PARD3: variants seen among roughly 807,000 people sequenced by gnomAD.
PARD3 encodes the protein partitioning defective 3 homolog.
In PARD3, 75 loss-of-function variants were observed where a neutral mutation model predicts 155.4. That is an observed-to-expected ratio of 0.48 (90% CI 0.40 to 0.58). PARD3 has a LOEUF of 0.58. Ranked by LOEUF, PARD3 falls within the 20% of genes least tolerant of loss-of-function variation. PARD3 has a pLI of 0.00. For missense variants in PARD3, 1,642 were observed against 1,721.7 expected (o/e 0.95, Z 0.82); for synonymous variants, 576 against 610.5 (o/e 0.94, Z 0.83).
intron 21 of PARD3, among the ~76,000 whole-genome samples, chr10:34,278,619 T>C (rs576603763): frequency 6.6e-6 from 1 of 152,190 alleles, no homozygotes; most frequent in South Asian, 2.1e-4. Flanking sequence ...CCCCCTTTGC[T>C]GGGCTCTCAT....
chr10:34,305,613 A>G (rs1402894198), intron 20 of PARD3, among the ~76,000 whole-genome samples: 8 of 152,244 alleles, frequency 5.3e-5, no homozygotes. Flanking sequence ...GCCTGAAAAC[A>G]GGGAATTTCC....
intron 2 of PARD3, among the ~76,000 whole-genome samples, chr10:34,605,609 C>CTA (rs1179960762): frequency 1.7e-3 from 38 of 21,800 alleles, no homozygotes; most frequent in Admixed American, 2.8e-3. Context: ...TATATATCTC[C>CTA]TATATATATA....
chr10:34,639,272 T>C (rs1025469668), intron 2 of PARD3, among the ~76,000 whole-genome samples: 8 of 152,160 alleles, frequency 5.3e-5, no homozygotes, highest in African/African-American at 1.9e-4. Flanking sequence ...GGCACGTGAC[T>C]GTAATCCCAG....
chr10:34,366,977 G>A (rs1016181778), intron 12 of PARD3, among the ~76,000 whole-genome samples: 3 of 152,132 alleles, frequency 2.0e-5, no homozygotes, highest in African/African-American at 7.2e-5. Context: ...TAATTCGAAT[G>A]GTAGATGCCA....
chr10:34,371,554 A>T (rs1040850445), intron 12 of PARD3, among the ~76,000 whole-genome samples: 1 of 147,190 alleles, frequency 6.8e-6, no homozygotes, highest in Admixed American at 6.9e-5. Context: ...TATTTGAAAA[A>T]TAACATTAGT....
chr10:34,401,932 C>T lies in PARD3; in HGVS notation c.715-15G>A. ...CCATCCTCATCCTAGAGGCAGCCAA[C>T]ACAAAGAAAAGTACACTCTGTGTTA... On this transcript the variant is annotated splice_polypyrimidine_tract_variant and intron_variant, in intron 5 of 24. Transcript: ENST00000374788. 1 of 1,601,396 alleles carries T rather than the reference C, an allele frequency of 6.2e-7. No individual in the cohort carries two copies.
chr10:34,597,246 T>A (rs2089354978), intron 2 of PARD3, among the ~76,000 whole-genome samples: 1 of 152,082 alleles, frequency 6.6e-6, no homozygotes, highest in African/African-American at 2.4e-5. Flanking sequence ...GAAGCATAAC[T>A]GCACCTCCTC....
chr10:34,532,058 C>T (rs576723922), intron 2 of PARD3, among the ~76,000 whole-genome samples: 10 of 152,162 alleles, frequency 6.6e-5, no homozygotes, highest in South Asian at 2.1e-4. Context: ...TATGCAGTTG[C>T]GATTTAATAT....
At chr10:34,781,617 A>G (rs1478080606) in intron 1 of PARD3, among the ~76,000 whole-genome samples, 1 of 152,262 alleles carries the variant, frequency 6.6e-6, no homozygotes, top group African/African-American at 2.4e-5. Flanking sequence ...TTCCTACAAG[A>G]CTTTATAATA....
intron 2 of PARD3, among the ~76,000 whole-genome samples, chr10:34,656,436 C>T (rs781690141): frequency 2.6e-5 from 4 of 152,158 alleles, no homozygotes; most frequent in Non-Finnish European, 4.4e-5. Context: ...AATCAGAGAA[C>T]ATATGAAAGG....
intron 2 of PARD3, among the ~76,000 whole-genome samples, chr10:34,678,940 C>T (rs1025463675): frequency 6.6e-6 from 1 of 152,008 alleles, no homozygotes; most frequent in African/African-American, 2.4e-5. Flanking sequence ...CGAATCCTTC[C>T]GAGAGGTCCC....
intron 22 of PARD3, among the ~76,000 whole-genome samples, chr10:34,235,691 G>A (rs1434609304): frequency 1.3e-5 from 2 of 152,186 alleles, no homozygotes; most frequent in African/African-American, 4.8e-5. Context: ...TCTGACTAAT[G>A]ATATCCACTT....
chr10:34,187,929 AG>A lies in PARD3; in HGVS notation c.3420-56347del, dbSNP rs75490477. Among the ~76,000 whole-genome samples the A allele has an allele frequency of 0.014, 2,078 of 152,304 alleles. 135 individuals carry two copies. In the East Asian group the frequency reaches 0.2, roughly 14 times the overall value. On this transcript the variant is annotated intron_variant, in intron 22 of 24. Transcript: ENST00000374788. ...TGAAAAACTTCCTGTGACCCTTTCTAGGATGGGACAACTAGCTGTCTGGGTA... is the reference window on the plus strand; with the variant it reads ...TGAAAAACTTCCTGTGACCCTTTCTAGATGGGACAACTAGCTGTCTGGGTA...
At chr10:34,179,168 G>GCACGTGCGTGCGCACGCA (rs1950163730) in intron 22 of PARD3, among the ~76,000 whole-genome samples, 1 of 94,532 alleles carries the variant, frequency 1.1e-5, no homozygotes, top group Non-Finnish European at 2.0e-5. Flanking sequence ...GTGCGTGCGC[G>GCACGTGCGTGCGCACGCA]CACACACACA....
chr10:34,136,548 G>C (rs192683741), intron 22 of PARD3, among the ~76,000 whole-genome samples: 6 of 152,190 alleles, frequency 3.9e-5, no homozygotes, highest in Admixed American at 3.3e-4. Flanking sequence ...CCCATAGCAG[G>C]GGGGAGAAAA....
At chr10:34,411,275 A>G (rs1845021344) in intron 5 of PARD3, among the ~76,000 whole-genome samples, 1 of 152,216 alleles carries the variant, frequency 6.6e-6, no homozygotes, top group East Asian at 1.9e-4. Context: ...GTGAGATTAA[A>G]GATATCATAG....
chr10:34,635,298 G>C (rs556555607), intron 2 of PARD3, among the ~76,000 whole-genome samples: 2 of 152,362 alleles, frequency 1.3e-5, no homozygotes, highest in South Asian at 4.1e-4. Flanking sequence ...TAGCCAGAAA[G>C]TATTGGGCAA....
At position 34,583,278 on chromosome 10, in the gene PARD3, A is replaced by C. The variant is rs537392562; in HGVS notation, c.223-66119T>G. On this transcript the variant is annotated intron_variant, in intron 2 of 24. Transcript: ENST00000374788. ...TTAGATATATGCCAGTAAAACAACA[A>C]AACACCAGGAAGAAAAAACAAAGTT... Among the ~76,000 whole-genome samples the C allele has an allele frequency of 3.3e-5, 5 of 152,326 alleles. No homozygotes were observed. The South Asian group carries it at 1.0e-3, about 32-fold the overall frequency.
At chr10:34,155,171 T>A (rs529050681) in intron 22 of PARD3, among the ~76,000 whole-genome samples, 2 of 152,304 alleles carry the variant, frequency 1.3e-5, no homozygotes, top group South Asian at 4.1e-4. Context: ...GCGGTCAGCC[T>A]ATGTGAAGGG....
Sources: gnomAD v4.1 joint callset for allele counts (sites outside exome capture counted in the v4.1 genomes callset) on GRCh38, gnomAD v4.1.1 for gene constraint, MANE v1.5 for transcripts, NCBI Gene and HGNC (gene_info 2026-07-23, HGNC 2026-07-21) for gene names.